The following SLC6A19 variants were observed in gnomAD, a reference collection of about 807,000 sequenced individuals.
SLC6A19 encodes sodium-dependent neutral amino acid transporter B(0)AT1.
SLC6A19 carries 67 observed loss-of-function variants against 68.3 expected under a neutral mutation model. The observed-to-expected ratio is 0.98, with a 90% CI of 0.81 to 1.20. The LOEUF (loss-of-function observed/expected upper bound fraction) is 1.20. Ranked by LOEUF, SLC6A19 falls within the 50% of genes most tolerant of loss-of-function variation. The probability of loss-of-function intolerance (pLI) is 0.00; values close to 1 mark genes in which losing one functional copy is unlikely to be tolerated. For synonymous variants in SLC6A19, 392 were observed against 374.9 expected, an observed-to-expected ratio of 1.05 and a Z score of -0.53; for missense variants, 813 against 851.6, an observed-to-expected ratio of 0.95 and a Z score of 0.56.
chr5:1,216,261 A>G (rs891009494), intron 6 of SLC6A19, among the ~76,000 whole-genome samples: 1 of 152,210 alleles, frequency 6.6e-6, no homozygotes, highest in South Asian at 2.1e-4. Context: ...CGGGGCGGAA[A>G]GAGACCTGAG....
In SLC6A19 at chr5:1,222,136, T is replaced by C; in HGVS notation, c.*232T>C. On this transcript the variant is annotated 3_prime_UTR_variant, in exon 12 of 12. Coordinates refer to ENST00000304460, the MANE Select transcript of SLC6A19 (RefSeq NM_001003841.3). ...ACGTGTATGCACACATATACATGTG[T>C]GTGGGTGTGTGTATTGTATGTGCAT... 1 of 605,492 alleles carries C rather than the reference T, an allele frequency of 1.7e-6. No homozygotes were observed. The highest frequency in any genetic ancestry group is 2.9e-6 in the Non-Finnish European group (1 of 340,272). The allele number at this position is 605,492 out of a possible 1,614,324, so 37.5% of individuals were successfully genotyped here. A position where few individuals can be genotyped will look rare whatever the true frequency, so the allele number is the denominator to read the frequency against.
chr5:1,205,144 G>C (rs903640415), intron 1 of SLC6A19, among the ~76,000 whole-genome samples: 4 of 152,166 alleles, frequency 2.6e-5, no homozygotes, highest in Non-Finnish European at 4.4e-5. Flanking sequence ...TGGTTTCCAG[G>C]GACCTTTGCA....
chr5:1,205,928 A>T (rs143833264), intron 1 of SLC6A19, among the ~76,000 whole-genome samples: 6 of 152,146 alleles, frequency 3.9e-5, no homozygotes, highest in African/African-American at 1.4e-4. Context: ...TCTGCCTTTC[A>T]TCTCTCGATG....
chr5:1,222,019 G>A lies in SLC6A19; in HGVS notation c.*115G>A, dbSNP rs534264807. 49 of 1,102,434 alleles carry A rather than the reference G, an allele frequency of 4.4e-5. No homozygotes were observed. Among genetic ancestry groups the A allele is most frequent in the East Asian group, 2.8e-4 (11 of 38,708 alleles). The allele number at this position is 1,102,434 out of a possible 1,614,324, so 68.3% of individuals were successfully genotyped here. A position where few individuals can be genotyped will look rare whatever the true frequency, so the allele number is the denominator to read the frequency against. On this transcript the variant is annotated 3_prime_UTR_variant, in exon 12 of 12. Transcript: ENST00000304460. The stretch of plus-strand genomic sequence containing the variant: ...TGTGTGTAAGCGTGAGTGTATGCTC[G>A]TGTGTGAGTGTGTGTATTGTACACG...
chr5:1,201,624 T>C lies in SLC6A19; in HGVS notation c.-27T>C. The C allele has an allele frequency of 6.3e-7, 1 of 1,595,546 alleles. No homozygotes were observed. Among genetic ancestry groups the C allele is most frequent in the East Asian group, 2.2e-5 (1 of 44,568 alleles). On this transcript the variant is annotated 5_prime_UTR_variant, in exon 1 of 12. Transcript: ENST00000304460. ...GCCCTCCAGCTTCTGCCCTGCCTGC[T>C]GTGTGCGGAGCCGTCCAGCGACCAC...
chr5:1,221,398 A>T, intron 11 of SLC6A19, 85 bp downstream of exon 11: 1 of 1,473,742 alleles, frequency 6.8e-7, no homozygotes, highest in Non-Finnish European at 9.3e-7. Context: ...TGGCGCATGC[A>T]CACACAATAC....
rs1746190226 is a variant in SLC6A19, at chr5:1,215,743, G to T, written c.888-815G>T. 6.6e-6 allele frequency among the ~76,000 whole-genome samples: 1 copy of T among 152,232 alleles called. No individual in the cohort carries two copies. Among genetic ancestry groups the T allele is most frequent in the African/African-American group, 2.4e-5 (1 of 41,466 alleles). On this transcript the variant is annotated intron_variant, in intron 6 of 11. Transcript: ENST00000304460. This position sits in a 1 kb window ranked among gnomAD's most constrained non-coding sequence, Gnocchi z 5.1. Reference sequence around the variant, plus strand: ...GACGCATGCTTTCGTTCTTCTGGGTGTGCGCCTAGGAGTGGAGTTGCTGCG... The same window carrying T: ...GACGCATGCTTTCGTTCTTCTGGGTTTGCGCCTAGGAGTGGAGTTGCTGCG...
rs762989809 is a variant in SLC6A19, at chr5:1,201,819, C to T, written c.169C>T (p.Arg57Cys). ...GFCVGLGNVW[R>C]FPYLCQSHGG... The stretch of plus-strand genomic sequence containing the variant: ...CTGCGTGGGCCTCGGCAACGTGTGG[C>T]GCTTCCCCTACCTGTGTCAGAGCCA... The change falls in exon 1 of 12, where the codon CGC becomes TGC. Residue 57 changes from arginine (R) to cysteine (C), a missense_variant. Physicochemically the swap from Arg to Cys is radical, Grantham distance 180. Coordinates refer to ENST00000304460, the MANE Select transcript of SLC6A19 (RefSeq NM_001003841.3). 3.8e-5 allele frequency: 62 copies of T among 1,612,076 alleles called. No individual in the cohort carries two copies. Among genetic ancestry groups the T allele is most frequent in the East Asian group, 3.1e-4 (14 of 44,876 alleles).
chr5:1,208,637 G>A (rs1286650663), intron 1 of SLC6A19, 109 bp from the exon 2 acceptor site: 2 of 1,480,738 alleles, frequency 1.4e-6, no homozygotes, highest in Non-Finnish European at 1.9e-6. Context: ...CCCAAGTGGT[G>A]GGCCGGCCAT....
chr5:1,212,152 G>A lies in SLC6A19; in HGVS notation c.482-151G>A. ...CGTGCATGCATGTGCGTGCACGTGA[G>A]CATGTGTGCCTGTGTTCATGTGCAC... On this transcript the variant is annotated intron_variant, in intron 3 of 11. Coordinates refer to ENST00000304460, the MANE Select transcript of SLC6A19 (RefSeq NM_001003841.3). The surrounding 1 kb of genome is among the most constrained non-coding windows in gnomAD (Gnocchi z 5.1). 1 of 883,726 alleles carries A rather than the reference G, an allele frequency of 1.1e-6. No individual in the cohort carries two copies. The highest frequency in any genetic ancestry group is 1.8e-6 in the Non-Finnish European group (1 of 548,378). 54.7% of individuals were successfully genotyped at this position (883,726 alleles called of 1,614,324 possible).
Position 1,216,634 on chromosome 5 carries a change from T to C in SLC6A19, c.964T>C (p.Tyr322His), listed in dbSNP as rs1746215879. Residue 322 changes from tyrosine to histidine, a missense_variant, in exon 7 of 12, where the codon TAC (tyrosine) becomes CAC (histidine). Physicochemically the swap from Tyr to His is moderately conservative, Grantham distance 83. Coordinates refer to ENST00000304460, the MANE Select transcript of SLC6A19 (RefSeq NM_001003841.3). ...FTSVYVAIVV[Y>H]SVIGFRATQR... The stretch of plus-strand genomic sequence containing the variant: ...ATCGGTGTATGTGGCCATCGTGGTC[T>C]ACTCCGTCATTGGGTTCCGCGCCAC... 6.2e-7 allele frequency: 1 copy of C among 1,613,960 alleles called. No individual in the cohort carries two copies. Among genetic ancestry groups the C allele is most frequent in the African/African-American group, 1.3e-5 (1 of 74,942 alleles).
chr5:1,209,675 T>C lies in SLC6A19; in HGVS notation c.344-769T>C, dbSNP rs1435906471. On this transcript the variant is annotated intron_variant, in intron 2 of 11. Transcript: ENST00000304460. This position sits in a 1 kb window ranked among gnomAD's most constrained non-coding sequence, Gnocchi z 5.5. Reference sequence around the variant, plus strand: ...CCCTCCTATTCTCTCCCTTCCCCCCTCTCTCTCATCCTCCTCCTCTCTCTC... The same window carrying C: ...CCCTCCTATTCTCTCCCTTCCCCCCCCTCTCTCATCCTCCTCCTCTCTCTC... 3.6e-5 allele frequency among the ~76,000 whole-genome samples: 5 copies of C among 137,454 alleles called. No homozygotes were observed. The highest frequency in any genetic ancestry group is 5.5e-5 in the African/African-American group (2 of 36,280). 90.2% of individuals were successfully genotyped at this position (137,454 alleles called of 152,430 possible). A position where few individuals can be genotyped will look rare whatever the true frequency, so the allele number is the denominator to read the frequency against.
Position 1,212,856 on chromosome 5 carries a change from A to G in SLC6A19, c.663+372A>G, listed in dbSNP as rs1199525536. ...GAAGAGTAAGGCTTGATCTTCCCCT[A>G]CATGGGAATCTTTGGTACGAGGTCC... On this transcript the variant is annotated intron_variant, in intron 4 of 11. Coordinates refer to ENST00000304460, the MANE Select transcript of SLC6A19 (RefSeq NM_001003841.3). The surrounding 1 kb of genome is among the most constrained non-coding windows in gnomAD (Gnocchi z 5.1). Among the ~76,000 whole-genome samples, 3 of 152,096 alleles carry G rather than the reference A, an allele frequency of 2.0e-5. No homozygotes were observed. The highest frequency in any genetic ancestry group is 4.4e-5 in the Non-Finnish European group (3 of 67,988).
At chr5:1,204,316 G>A (rs1214640956) in intron 1 of SLC6A19, among the ~76,000 whole-genome samples, 2 of 152,216 alleles carry the variant, frequency 1.3e-5, no homozygotes, top group Non-Finnish European at 2.9e-5. Flanking sequence ...CTGAGGAAGG[G>A]CATTTCCAAA....
chr5:1,218,732 C>T (rs960448699), intron 8 of SLC6A19, among the ~76,000 whole-genome samples, 171 bp from the exon 9 acceptor site: 2 of 152,166 alleles, frequency 1.3e-5, no homozygotes, highest in African/African-American at 4.8e-5. Context: ...ATGCATAGTT[C>T]GGCTTTTGAA....
At chr5:1,213,914 T>C (rs1056577072) in intron 5 of SLC6A19, 39 bp from the exon 6 acceptor site, 1 of 1,610,284 alleles carries the variant, frequency 6.2e-7, no homozygotes, top group Non-Finnish European at 8.5e-7. Flanking sequence ...CATGGCCCCA[T>C]CTGCACCATG....
chr5:1,214,106 C>T lies in SLC6A19; in HGVS notation c.887+41C>T, dbSNP rs1485174066. On this transcript the variant is annotated intron_variant, in intron 6 of 11. Coordinates refer to ENST00000304460, the MANE Select transcript of SLC6A19 (RefSeq NM_001003841.3). This position sits in a 1 kb window ranked among gnomAD's most constrained non-coding sequence, Gnocchi z 7.4. ...GTGGGCCTCAGTTTCCCTCTCAGTC[C>T]TGGGGGGATCTTGCTGGGAGGATAA... The T allele has an allele frequency of 1.2e-6, 2 of 1,612,978 alleles. No homozygotes were observed. The highest frequency in any genetic ancestry group is 1.3e-5 in the African/African-American group (1 of 74,918).
intron 1 of SLC6A19, among the ~76,000 whole-genome samples, chr5:1,205,111 A>C (rs7734259): frequency 6.6e-6 from 1 of 151,984 alleles, no homozygotes; most frequent in Non-Finnish European, 1.5e-5. Flanking sequence ...GTGAGCCAAC[A>C]TCTGCAGCGC....
chr5:1,213,873 GC>G, intron 5 of SLC6A19, 79 bp from the exon 6 acceptor site: 1 of 1,579,100 alleles, frequency 6.3e-7, no homozygotes, highest in Non-Finnish European at 8.6e-7. Flanking sequence ...GACCCTCCCC[GC>G]CTCCCTGGGA....
Sources: gnomAD v4.1 joint callset for allele counts (sites outside exome capture counted in the v4.1 genomes callset) on GRCh38, gnomAD v4.1.1 for gene constraint, Gnocchi (gnomAD v3.1) non-coding constraint, MANE v1.5 for transcripts, NCBI Gene and HGNC (gene_info 2026-07-23, HGNC 2026-07-21) for gene names.